COL6A3: variants seen among roughly 807,000 people sequenced by gnomAD.
COL6A3 encodes the protein collagen type VI alpha 3 chain.
A neutral mutation model predicts 274.1 loss-of-function variants in COL6A3; 137 were observed. The ratio of observed to expected loss-of-function variants is 0.50; its 90% CI spans 0.44 to 0.58. The LOEUF is 0.58. Ranked by LOEUF, COL6A3 falls within the 20% of genes least tolerant of loss-of-function variation. The pLI is 0.00. For synonymous variants in COL6A3, 1,650 were observed against 1,650.6 expected, an observed-to-expected ratio of 1.00 and a Z score of 0.01; for missense variants, 3,950 against 4,124.9, an observed-to-expected ratio of 0.96 and a Z score of 1.16.
rs1700534232 is a variant in COL6A3 at position 237,336,201 on chromosome 2, G to T, written c.8899C>A (p.Pro2967Thr). 6.2e-7 allele frequency: 1 copy of T among 1,613,748 alleles called. No homozygotes were observed. The highest frequency in any genetic ancestry group is 1.3e-5 in the African/African-American group (1 of 74,942). Residue 2967 changes from proline (P) to threonine (T), a missense_variant, in exon 40 of 44, where the codon CCT becomes ACT. Pro to Thr is a conservative substitution (Grantham distance 38). Around this residue, in one of 5 missense-constraint regions of COL6A3, gnomAD observed 1,284 missense variants for 1,349.7 expected, o/e 0.95. Transcript: ENST00000295550. The part of the protein sequence containing the change: ...AAAAKPVATK[P>T]EVPRPQAAKP... ...GCTGCCTGTGGCCTAGGGACCTCAG[G>T]CTTGGTCGCCACTGGTTTTGCAGCA...
chr2:237,376,800 T>A lies in COL6A3; in HGVS notation c.3042A>T (p.Lys1014Asn), dbSNP rs915245460. ...DLHPQIVNLL[K>N]SVHNGAPAPV... ...GTGCTGGTGCTCCGTTGTGCACTGA[T>A]TTTAAGAGATTCACTATCTGTGGAT... is the stretch of plus-strand genomic sequence containing the variant. The change falls in exon 7 of 44, where the codon AAA becomes AAT. Residue 1014 changes from lysine (K) to asparagine (N), a missense_variant. This residue lies in a region of COL6A3 where 1,934 missense variants were observed against 1,984.3 expected (regional missense o/e 0.97). Transcript: ENST00000295550. 6.2e-7 allele frequency: 1 copy of A among 1,614,212 alleles called. No individual in the cohort carries two copies.
rs750937716 is a variant in COL6A3 at position 237,352,594 on chromosome 2, G to A, written c.6691-10C>T. The A allele has an allele frequency of 2.3e-5, 37 of 1,612,920 alleles. No homozygotes were observed. The highest frequency in any genetic ancestry group is 3.1e-5 in the Non-Finnish European group (36 of 1,179,538). On this transcript the variant is annotated splice_polypyrimidine_tract_variant and intron_variant, in intron 25 of 43. Transcript: ENST00000295550. ...CAGGACCAGCTGGGCCCTGAGGAAG[G>A]AAAAGACCATCGTGAGTGCTAATGA...
intron 39 of COL6A3, among the ~76,000 whole-genome samples, chr2:237,338,267 G>A (rs1700651483): frequency 6.6e-6 from 1 of 152,146 alleles, no homozygotes; most frequent in Non-Finnish European, 1.5e-5. Flanking sequence ...AGGTCACCTG[G>A]TGAACAAACC....
intron 39 of COL6A3, among the ~76,000 whole-genome samples, chr2:237,337,416 C>A (rs1346086453): frequency 1.3e-5 from 2 of 152,104 alleles, no homozygotes; most frequent in African/African-American, 2.4e-5. Context: ...GTGGCCTTAG[C>A]AATGATATTC....
At chr2:237,352,317 C>G (rs2077223799) in intron 26 of COL6A3, among the ~76,000 whole-genome samples, 1 of 152,044 alleles carries the variant, frequency 6.6e-6, no homozygotes, top group Non-Finnish European at 1.5e-5. Flanking sequence ...GCCCATGGAG[C>G]ACCAAAAAAG....
In COL6A3 at chr2:237,364,358, C is replaced by T. The variant is rs368635334; in HGVS notation, c.5909G>A (p.Arg1970His). The change falls in exon 13 of 44, where the codon CGC becomes CAC. Residue 1970 changes from arginine to histidine, a missense_variant. Physicochemically the swap from Arg to His is conservative, Grantham distance 29. This residue lies in a region of COL6A3 where 632 missense variants were observed against 623.4 expected (regional missense o/e 1.01). Coordinates refer to ENST00000295550, the MANE Select transcript of COL6A3 (RefSeq NM_004369.4). This position sits in a 1 kb window ranked among gnomAD's most constrained non-coding sequence, Gnocchi z 4.6. Reference sequence around the variant, plus strand: ...AAAGCCTTGGCACCTACCTTCTTGGCGGAGGTTCTCAGATGCTCTGTGTAA... The same window carrying T: ...AAAGCCTTGGCACCTACCTTCTTGGTGGAGGTTCTCAGATGCTCTGTGTAA... ...ADLHRASENL[R>H]QEGVRALILV... 2.5e-5 allele frequency: 41 copies of T among 1,613,400 alleles called. 1 individual carries two copies. In the Middle Eastern group the frequency reaches 4.9e-4, roughly 19 times the overall value.
chr2:237,354,825 GT>G, intron 24 of COL6A3, 73 bp downstream of exon 24: 1 of 1,320,154 alleles, frequency 7.6e-7, no homozygotes, highest in Non-Finnish European at 1.1e-6. Flanking sequence ...AGGAGAGAGT[GT>G]TTTTCACTCC....
In COL6A3 at chr2:237,344,102, G is replaced by A. The variant is rs555181485; in HGVS notation, c.7668+248C>T. 9.6e-5 allele frequency: 57 copies of A among 592,210 alleles called. No homozygotes were observed. The Middle Eastern group carries it at 1.4e-3, about 14-fold the overall frequency. The allele number at this position is 592,210 out of a possible 1,614,324, so 36.7% of individuals were successfully genotyped here. A position where few individuals can be genotyped will look rare whatever the true frequency, so the allele number is the denominator to read the frequency against. On this transcript the variant is annotated intron_variant, in intron 36 of 43. Transcript: ENST00000295550. This position sits in a 1 kb window ranked among gnomAD's most constrained non-coding sequence, Gnocchi z 4.8. ...GTCACCAACACTAGCATCACTAACCGGCAAGAGCTGTCAACATGTGAGGAG... is the reference window on the plus strand; with the variant it reads ...GTCACCAACACTAGCATCACTAACCAGCAAGAGCTGTCAACATGTGAGGAG...
Position 237,340,807 on chromosome 2 carries a change from G to A in COL6A3, c.8109C>T (p.Ser2703=), listed in dbSNP as rs1241312633. The A allele has an allele frequency of 1.2e-6, 2 of 1,614,180 alleles. No homozygotes were observed. Among genetic ancestry groups the A allele is most frequent in the Non-Finnish European group, 1.7e-6 (2 of 1,180,046 alleles). The part of the protein sequence containing the change: ...GSKEKLVDFL[S]RGMTQLQGTR... Reference sequence around the variant, plus strand: ...TTCCCTGCAACTGTGTCATTCCCCTGCTGAGGAAGTCCACCAGCTTCTCCT... The same window carrying A: ...TTCCCTGCAACTGTGTCATTCCCCTACTGAGGAAGTCCACCAGCTTCTCCT... Residue 2703 remains serine (S), a synonymous_variant, in exon 38 of 44, where the codon AGC becomes AGT. Coordinates refer to ENST00000295550, the MANE Select transcript of COL6A3 (RefSeq NM_004369.4).
Position 237,336,436 on chromosome 2 carries a change from C to A in COL6A3, c.8664G>T (p.Lys2888Asn). Residue 2888 changes from lysine (K) to asparagine (N), a missense_variant, in exon 40 of 44, where the codon AAG becomes AAT. By Grantham distance (94) the Lys-to-Asn change is moderately conservative. Coordinates refer to ENST00000295550, the MANE Select transcript of COL6A3 (RefSeq NM_004369.4). Reference sequence around the variant, plus strand: ...CAGGCTTTGTTGTGGTGGTTACAGGCTTTGTTGTGGTGGTCACCGGCTTCG... The same window carrying A: ...CAGGCTTTGTTGTGGTGGTTACAGGATTTGTTGTGGTGGTCACCGGCTTCG... ...TTTKPVTTTT[K>N]PVTTTTKPVT... 1 of 1,614,220 alleles carries A rather than the reference C, an allele frequency of 6.2e-7. No homozygotes were observed. Among genetic ancestry groups the A allele is most frequent in the African/African-American group, 1.3e-5 (1 of 75,050 alleles).
intron 1 of COL6A3, among the ~76,000 whole-genome samples, chr2:237,405,578 C>T (rs1445830217): frequency 6.6e-6 from 1 of 152,022 alleles, no homozygotes. Context: ...GGATTTCACG[C>T]CCTCCTCCCA....
At chr2:237,358,445 C>T in intron 21 of COL6A3, 76 bp downstream of exon 21, 1 of 1,199,502 alleles carries the variant, frequency 8.3e-7, no homozygotes. Context: ...AAGTAGAATT[C>T]TTCCTTTCAT....
chr2:237,350,294 G>T, intron 27 of COL6A3, 85 bp from the exon 28 acceptor site: 1 of 1,280,314 alleles, frequency 7.8e-7, no homozygotes, highest in South Asian at 1.2e-5. Context: ...CTCTAGGTAA[G>T]GGTGCTGCAA....
chr2:237,361,598 G>A lies in COL6A3; in HGVS notation c.6156+141C>T, dbSNP rs2077438530. On this transcript the variant is annotated intron_variant, in intron 15 of 43. Transcript: ENST00000295550. The surrounding 1 kb of genome is among the most constrained non-coding windows in gnomAD (Gnocchi z 5.1). Reference sequence around the variant, plus strand: ...ACAGCACGCAGGTCTGCCCCTCAGAGCTCCTCCTTCTAACATAAGAAATGG... The same window carrying A: ...ACAGCACGCAGGTCTGCCCCTCAGAACTCCTCCTTCTAACATAAGAAATGG... 2.4e-6 allele frequency: 2 copies of A among 849,696 alleles called. No homozygotes were observed. Among genetic ancestry groups the A allele is most frequent in the African/African-American group, 1.7e-5 (1 of 60,240 alleles). The allele number at this position is 849,696 out of a possible 1,614,324, so 52.6% of individuals were successfully genotyped here.
chr2:237,384,618 T>A (rs1313026176), intron 4 of COL6A3, among the ~76,000 whole-genome samples: 1 of 151,968 alleles, frequency 6.6e-6, no homozygotes, highest in Admixed American at 6.6e-5. Flanking sequence ...CTGCCCACCA[T>A]CCTCCCATGC....
chr2:237,356,532 G>C (rs1324571578), intron 23 of COL6A3, among the ~76,000 whole-genome samples: 1 of 152,056 alleles, frequency 6.6e-6, no homozygotes, highest in Non-Finnish European at 1.5e-5. Context: ...CCCAAGTGCC[G>C]GGCCGAACGA....
intron 3 of COL6A3, among the ~76,000 whole-genome samples, chr2:237,393,741 A>G (rs1485917208): frequency 6.6e-6 from 1 of 152,234 alleles, no homozygotes; most frequent in Non-Finnish European, 1.5e-5. Context: ...GTACTTGTCA[A>G]ATTCCTTCCC....
At chr2:237,359,495 C>T in intron 17 of COL6A3, 107 bp from the exon 18 acceptor site, 1 of 1,171,524 alleles carries the variant, frequency 8.5e-7, no homozygotes, top group Non-Finnish European at 1.3e-6. Context: ...TTGAATGTTG[C>T]AGTGTCTGAA....
In COL6A3 at chr2:237,325,715, T is replaced by C. The variant is rs201169014; in HGVS notation, c.9338A>G (p.Lys3113Arg). Reference sequence around the variant, plus strand: ...GCAAGTTCCTTCGTCTTTCGGCAACTTGCATATATCTTTAATAAAAACATG... The same window carrying C: ...GCAAGTTCCTTCGTCTTTCGGCAACCTGCATATATCTTTAATAAAAACATG... ...PLALTETDIC[K>R]LPKDEGTCRD... The change falls in exon 43 of 44, where the codon AAG becomes AGG. Residue 3113 changes from lysine (K) to arginine (R), a missense_variant. Coordinates refer to ENST00000295550, the MANE Select transcript of COL6A3 (RefSeq NM_004369.4). 1.9e-6 allele frequency: 3 copies of C among 1,613,670 alleles called. No individual in the cohort carries two copies. Among genetic ancestry groups the C allele is most frequent in the Non-Finnish European group, 8.5e-7 (1 of 1,179,828 alleles).
Sources: allele counts gnomAD v4.1 joint callset (sites outside exome capture counted in the v4.1 genomes callset), GRCh38; gene constraint gnomAD v4.1.1; regional missense constraint gnomAD v4.1.1; non-coding constraint Gnocchi (gnomAD v3.1); transcripts MANE v1.5; gene names NCBI Gene and HGNC (gene_info 2026-07-23, HGNC 2026-07-21).